NID2: variants seen among roughly 807,000 people sequenced by gnomAD.
NID2 encodes the protein nidogen-2.
A neutral mutation model predicts 145.4 loss-of-function variants in NID2; 83 were observed. That is an observed-to-expected ratio of 0.57 (90% CI 0.48 to 0.69). NID2 has a LOEUF of 0.69. Ranked by LOEUF, NID2 falls within the 30% of genes least tolerant of loss-of-function variation. The pLI, the probability that NID2 is intolerant of heterozygous loss-of-function variation, is 0.00. For synonymous variants in NID2, 739 were observed against 701.3 expected, an observed-to-expected ratio of 1.05 and a Z score of -0.85; for missense variants, 1,807 against 1,765.7, an observed-to-expected ratio of 1.02 and a Z score of -0.42.
At chr14:52,036,133 C>T (rs939993993) in intron 9 of NID2, among the ~76,000 whole-genome samples, 6 of 152,086 alleles carry the variant, frequency 3.9e-5, no homozygotes, top group Admixed American at 3.9e-4. Flanking sequence ...TTCATCACCC[C>T]CAAAATTAAC....
At chr14:52,030,581 A>AGG (rs1891805328) in intron 9 of NID2, among the ~76,000 whole-genome samples, 1 of 37,996 alleles carries the variant, frequency 2.6e-5, no homozygotes, top group African/African-American at 1.3e-4. Flanking sequence ...AGGAAGGGAA[A>AGG]GAAAGAAAGA....
chr14:52,059,706 A>G (rs1438329321), intron 3 of NID2, among the ~76,000 whole-genome samples: 1 of 152,246 alleles, frequency 6.6e-6, no homozygotes, highest in Non-Finnish European at 1.5e-5. Context: ...TTTTCCTGCA[A>G]ATTACATTGC....
At position 52,005,271 on chromosome 14, in the gene NID2, C is replaced by G. The variant is rs898866015; in HGVS notation, c.*215G>C. ...GTTAAAATTCTGTTACCTTTTTAAA[C>G]TTGCAATAACAACCTTCATTTTTAA... On this transcript the variant is annotated 3_prime_UTR_variant, in exon 22 of 22. Transcript: ENST00000216286. 7.5e-6 allele frequency: 3 copies of G among 398,950 alleles called. No individual in the cohort carries two copies. Among genetic ancestry groups the G allele is most frequent in the African/African-American group, 6.2e-5 (3 of 48,468 alleles). 24.7% of individuals were successfully genotyped at this position (398,950 alleles called of 1,614,324 possible).
At chr14:52,042,014 T>C in intron 7 of NID2, 91 bp downstream of exon 7, 1 of 1,446,712 alleles carries the variant, frequency 6.9e-7, no homozygotes, top group Non-Finnish European at 9.3e-7. Context: ...GTGATTCCTC[T>C]GTCACTGCGT....
intron 5 of NID2, among the ~76,000 whole-genome samples, chr14:52,052,477 G>C (rs1238402927): frequency 3.9e-5 from 6 of 152,176 alleles, no homozygotes; most frequent in African/African-American, 7.2e-5. Context: ...GGTTACATAA[G>C]TTACTTCAGG....
intron 12 of NID2, 103 bp from the exon 13 acceptor site, chr14:52,020,281 T>C (rs1891355936): frequency 6.5e-7 from 1 of 1,539,158 alleles, no homozygotes; most frequent in Admixed American, 2.0e-5. Flanking sequence ...CAACACCCAG[T>C]GAGGTGTCAG....
chr14:52,008,071 T>A, intron 18 of NID2, 104 bp from the exon 19 acceptor site: 1 of 889,126 alleles, frequency 1.1e-6, no homozygotes, highest in Non-Finnish European at 1.7e-6. Flanking sequence ...TATTATAGCC[T>A]TAAGCAATCC....
At chr14:52,014,621 GT>G (rs527560902) in intron 15 of NID2, among the ~76,000 whole-genome samples, 165 bp from the exon 16 acceptor site, 1 of 152,018 alleles carries the variant, frequency 6.6e-6, no homozygotes. Context: ...AATTTCTAGG[GT>G]TTTTTTAAGG....
At chr14:52,066,823 A>G (rs577896979) in intron 2 of NID2, among the ~76,000 whole-genome samples, 2 of 152,308 alleles carry the variant, frequency 1.3e-5, no homozygotes, top group South Asian at 4.2e-4. Context: ...GGAAGCCCTT[A>G]CTTTCTTCAG....
intron 2 of NID2, 34 bp from the exon 3 acceptor site, chr14:52,060,390 G>C: frequency 8.7e-7 from 1 of 1,145,446 alleles, no homozygotes; most frequent in South Asian, 2.0e-5. Context: ...GAGAGAGAGA[G>C]AGAGAGAAAC....
chr14:52,010,927 A>G lies in NID2; in HGVS notation c.3671T>C (p.Phe1224Ser). ...LLDGSERKVL[F>S]YTDLVNPRAI... ...ACGGGGATTCACCAGATCTGTGTAG[A>G]AGAGGACCTTGCGCTCAGAGCCATC... Residue 1224 changes from phenylalanine to serine, a missense_variant, in exon 18 of 22, where the codon TTC becomes TCC. Physicochemically the swap from Phe to Ser is radical, Grantham distance 155. Transcript: ENST00000216286. 6.2e-7 allele frequency: 1 copy of G among 1,614,002 alleles called. No homozygotes were observed. The highest frequency in any genetic ancestry group is 8.5e-7 in the Non-Finnish European group (1 of 1,180,046).
intron 11 of NID2, among the ~76,000 whole-genome samples, chr14:52,028,427 A>G (rs897651240): frequency 1.3e-5 from 2 of 152,106 alleles, no homozygotes; most frequent in African/African-American, 4.8e-5. Context: ...GGCGTGTGCC[A>G]CCACACCTGG....
chr14:52,012,437 A>G (rs1891064756), intron 16 of NID2, among the ~76,000 whole-genome samples: 2 of 152,118 alleles, frequency 1.3e-5, no homozygotes, highest in Admixed American at 1.3e-4. Flanking sequence ...CGTCTAAAAA[A>G]CAAAAAATAA....
intron 9 of NID2, among the ~76,000 whole-genome samples, chr14:52,032,855 A>G (rs1297407182): frequency 2.6e-5 from 4 of 151,958 alleles, no homozygotes; most frequent in African/African-American, 9.7e-5. Flanking sequence ...TGGACAGGAT[A>G]TATTATCCTA....
Position 52,060,372 on chromosome 14 carries a change from AAAAAAAAG to A in NID2, c.535-24_535-17del, listed in dbSNP as rs1351473600. The A allele has an allele frequency of 4.7e-6, 6 of 1,286,468 alleles. No homozygotes were observed. The highest frequency in any genetic ancestry group is 1.7e-5 in the South Asian group (1 of 58,108). 79.7% of individuals were successfully genotyped at this position (1,286,468 alleles called of 1,614,324 possible). On this transcript the variant is annotated splice_polypyrimidine_tract_variant and intron_variant, in intron 2 of 21. Coordinates refer to ENST00000216286, the MANE Select transcript of NID2 (RefSeq NM_007361.4). ...AAGTGTTCAGCTGTGAGGAAAAAAA[AAAAAAAAG>A]AGAGAGAGAGAGAGAGAAACATCCT...
chr14:52,043,697 A>T (rs975128152), intron 5 of NID2, among the ~76,000 whole-genome samples: 1 of 152,164 alleles, frequency 6.6e-6, no homozygotes, highest in Non-Finnish European at 1.5e-5. Context: ...TATTCTGCCC[A>T]TTAAAAGAAG....
rs1470148399 is a variant in NID2, at chr14:52,023,895, C to T, written c.2674+3306G>A. Among the ~76,000 whole-genome samples, 4 of 152,290 alleles carry T rather than the reference C, an allele frequency of 2.6e-5. No individual in the cohort carries two copies. The East Asian group carries it at 5.8e-4, about 22-fold the overall frequency. On this transcript the variant is annotated intron_variant, in intron 12 of 21. Transcript: ENST00000216286. ...GGCTGGAGAAAAACTCCCACACCCCCTTATTGTTAGTTTGATGGAGTAAAA... is the reference window on the plus strand; with the variant it reads ...GGCTGGAGAAAAACTCCCACACCCCTTTATTGTTAGTTTGATGGAGTAAAA...
intron 16 of NID2, among the ~76,000 whole-genome samples, chr14:52,012,338 TCA>T (rs1491293333): frequency 6.6e-6 from 1 of 152,222 alleles, no homozygotes; most frequent in Non-Finnish European, 1.5e-5. Flanking sequence ...GCACAGTGAC[TCA>T]CGCCTGTAAT....
chr14:52,027,565 T>C (rs1324860021), intron 11 of NID2, among the ~76,000 whole-genome samples: 10 of 148,486 alleles, frequency 6.7e-5, no homozygotes, highest in African/African-American at 2.5e-4. Context: ...GCTGTTAAAA[T>C]ACTAAGCACA....
Sources: gnomAD v4.1 joint callset for allele counts (sites outside exome capture counted in the v4.1 genomes callset) on GRCh38, gnomAD v4.1.1 for gene constraint, MANE v1.5 for transcripts, NCBI Gene and HGNC (gene_info 2026-07-23, HGNC 2026-07-21) for gene names.